Variants in MTR observed in about 807,000 individuals in gnomAD.
MTR encodes the protein 5-methyltetrahydrofolate-homocysteine methyltransferase.
A neutral mutation model predicts 154.8 loss-of-function variants in MTR; 84 were observed. The observed-to-expected ratio is 0.54, with a 90% CI of 0.45 to 0.65. The LOEUF (loss-of-function observed/expected upper bound fraction) is 0.65, where lower values mean the gene tolerates loss of function less well. Among genes scored for constraint, MTR ranks in the 30% least tolerant of loss-of-function variants. The pLI is 0.00. For missense variants in MTR, 1,275 were observed against 1,570.2 expected, an observed-to-expected ratio of 0.81 and a Z score of 3.18; for synonymous variants, 554 against 553.9, an observed-to-expected ratio of 1.00 and a Z score of 0.00.
In MTR at chr1:236,886,280, G is replaced by T. The variant is rs1572333109; in HGVS notation, c.2776-12G>T. The T allele has an allele frequency of 6.8e-6, 11 of 1,612,768 alleles. No homozygotes were observed. The highest frequency in any genetic ancestry group is 1.3e-5 in the African/African-American group (1 of 74,900). On this transcript the variant is annotated splice_polypyrimidine_tract_variant and intron_variant, in intron 26 of 32. Transcript: ENST00000366577. ...AAGAGTGTCTAACTAATTTTTCTTTGTTTTTTAACAGGAGAGGAGATACTT... is the reference window on the plus strand; with the variant it reads ...AAGAGTGTCTAACTAATTTTTCTTTTTTTTTTAACAGGAGAGGAGATACTT...
intron 5 of MTR, among the ~76,000 whole-genome samples, chr1:236,812,022 A>G (rs1268754816): frequency 6.6e-6 from 1 of 152,208 alleles, no homozygotes; most frequent in Non-Finnish European, 1.5e-5. Flanking sequence ...CTGGGGCTAC[A>G]GGCGTGTGCC....
chr1:236,888,356 C>G (rs1360301574), intron 27 of MTR, among the ~76,000 whole-genome samples: 2 of 152,186 alleles, frequency 1.3e-5, no homozygotes, highest in Non-Finnish European at 2.9e-5. Context: ...GCTCTACCTG[C>G]CCCAGAAAGC....
intron 1 of MTR, among the ~76,000 whole-genome samples, chr1:236,798,419 A>G (rs951001386): frequency 1.3e-5 from 2 of 152,162 alleles, no homozygotes; most frequent in South Asian, 2.1e-4. Flanking sequence ...ACTTATACCT[A>G]TGTTTATTCT....
intron 27 of MTR, among the ~76,000 whole-genome samples, chr1:236,888,131 A>C (rs1666120870): frequency 6.6e-6 from 1 of 152,204 alleles, no homozygotes; most frequent in African/African-American, 2.4e-5. Context: ...AATGAGAGAA[A>C]AATACTCTAG....
At chr1:236,842,821 C>T (rs1360510145) in intron 15 of MTR, among the ~76,000 whole-genome samples, 2 of 150,888 alleles carry the variant, frequency 1.3e-5, no homozygotes, top group African/African-American at 2.4e-5. Flanking sequence ...TGCAGTGGCT[C>T]ACACCTGTAA....
chr1:236,879,863 T>C (rs1665629228), intron 24 of MTR, among the ~76,000 whole-genome samples: 1 of 151,934 alleles, frequency 6.6e-6, no homozygotes, highest in Admixed American at 6.6e-5. Flanking sequence ...ATATTAAAAG[T>C]AAAATATTGG....
chr1:236,819,917 T>C, intron 8 of MTR: 3 of 976,592 alleles, frequency 3.1e-6, no homozygotes, highest in Non-Finnish European at 4.9e-6. Context: ...CTGCTGCCAC[T>C]GGAGCCACTC....
In MTR at chr1:236,900,219, G is replaced by A. The variant is rs1270154278; in HGVS notation, c.*2575G>A. On this transcript the variant is annotated 3_prime_UTR_variant, in exon 33 of 33. Transcript: ENST00000366577. ...TTAGATATATATATTCATTCTACGGGATATTATTCAGTAGTGGAAATGAGT... is the reference window on the plus strand; with the variant it reads ...TTAGATATATATATTCATTCTACGGAATATTATTCAGTAGTGGAAATGAGT... 8.6e-6 allele frequency: 3 copies of A among 348,986 alleles called. No individual in the cohort carries two copies. The highest frequency in any genetic ancestry group is 1.7e-5 in the Non-Finnish European group (3 of 173,490). The allele number at this position is 348,986 out of a possible 1,614,324, so 21.6% of individuals were successfully genotyped here.
Position 236,835,542 on chromosome 1 carries a change from T to G in MTR, c.1189-5T>G, listed in dbSNP as rs754460828. On this transcript the variant is annotated splice_region_variant and splice_polypyrimidine_tract_variant and intron_variant, in intron 13 of 32. Coordinates refer to ENST00000366577, the MANE Select transcript of MTR (RefSeq NM_000254.3). ...ATGCTGCTTCCTCTCTCATTCTTCCTTCAGGAAGCCTTGTGTGTTGCCAAA... is the reference window on the plus strand; with the variant it reads ...ATGCTGCTTCCTCTCTCATTCTTCCGTCAGGAAGCCTTGTGTGTTGCCAAA... 6.2e-7 allele frequency: 1 copy of G among 1,612,496 alleles called. No individual in the cohort carries two copies. Among genetic ancestry groups the G allele is most frequent in the Non-Finnish European group, 8.5e-7 (1 of 1,179,758 alleles).
rs181347661 is a variant in MTR, at chr1:236,834,300, C to G, written c.1189-1247C>G. Reference sequence around the variant, plus strand: ...GTTCAAGTGATTCTCCTGCCCCAGCCTCCAGAGAAGCTGGGACTACGGGCT... The same window carrying G: ...GTTCAAGTGATTCTCCTGCCCCAGCGTCCAGAGAAGCTGGGACTACGGGCT... On this transcript the variant is annotated intron_variant, in intron 13 of 32. Coordinates refer to ENST00000366577, the MANE Select transcript of MTR (RefSeq NM_000254.3). Among the ~76,000 whole-genome samples the G allele has an allele frequency of 2.4e-3, 373 of 152,318 alleles. 2 individuals carry two copies. Among genetic ancestry groups the G allele is most frequent in the African/African-American group, 8.0e-3 (331 of 41,570 alleles).
intron 9 of MTR, among the ~76,000 whole-genome samples, chr1:236,824,653 A>G (rs991063564): frequency 6.6e-6 from 1 of 152,228 alleles, no homozygotes; most frequent in African/African-American, 2.4e-5. Context: ...TTTTGAAGAT[A>G]TTTGTAGACA....
chr1:236,814,120 A>G (rs992954759), intron 6 of MTR, among the ~76,000 whole-genome samples: 3 of 152,210 alleles, frequency 2.0e-5, no homozygotes, highest in East Asian at 1.9e-4. Context: ...GCAAGCAGGA[A>G]GAACGTAGAG....
At position 236,889,371 on chromosome 1, in the gene MTR, T is replaced by C. The variant is rs772489467; in HGVS notation, c.3007+35T>C. On this transcript the variant is annotated intron_variant, in intron 28 of 32. Transcript: ENST00000366577. ...GTAAGTCCTTCCTTTCTGCCTCTGATATTCAAGCTGTGGGATTGTGACTTT... is the reference window on the plus strand; with the variant it reads ...GTAAGTCCTTCCTTTCTGCCTCTGACATTCAAGCTGTGGGATTGTGACTTT... 39 of 1,613,016 alleles carry C rather than the reference T, an allele frequency of 2.4e-5. No homozygotes were observed. The South Asian group carries it at 3.0e-4, about 12-fold the overall frequency.
intron 32 of MTR, among the ~76,000 whole-genome samples, 190 bp downstream of exon 32, chr1:236,897,308 A>ATGCGCGCGCGCGCG (rs57608445): frequency 2.1e-3 from 279 of 131,508 alleles, no homozygotes; most frequent in African/African-American, 7.9e-3. Context: ...AGCCACACAC[A>ATGCGCGCGCGCGCG]CGCACACACA....
intron 15 of MTR, among the ~76,000 whole-genome samples, chr1:236,847,000 A>C (rs993490196): frequency 8.6e-5 from 13 of 151,802 alleles, no homozygotes; most frequent in African/African-American, 2.7e-4. Context: ...AATTCTCCTG[A>C]CTCAGCCTCC....
intron 25 of MTR, among the ~76,000 whole-genome samples, chr1:236,884,634 C>G (rs144236490): frequency 6.6e-6 from 1 of 152,220 alleles, no homozygotes; most frequent in East Asian, 1.9e-4. Context: ...ATGTAAGGAG[C>G]CTTGCCAACC....
intron 24 of MTR, among the ~76,000 whole-genome samples, chr1:236,880,162 A>AT (rs957869616): frequency 6.6e-6 from 1 of 152,198 alleles, no homozygotes; most frequent in Non-Finnish European, 1.5e-5. Context: ...TCTCAAAAAA[A>AT]TAAAATGAAA....
At chr1:236,889,958 A>G (rs1666225198) in intron 28 of MTR, among the ~76,000 whole-genome samples, 1 of 152,046 alleles carries the variant, frequency 6.6e-6, no homozygotes, top group Non-Finnish European at 1.5e-5. Flanking sequence ...GAGGTGTTAA[A>G]TTACTACCCC....
chr1:236,897,089 T>G lies in MTR; in HGVS notation c.3682T>G (p.Phe1228Val). 1.9e-6 allele frequency: 3 copies of G among 1,613,986 alleles called. No individual in the cohort carries two copies. Among genetic ancestry groups the G allele is most frequent in the Non-Finnish European group, 2.5e-6 (3 of 1,179,876 alleles). The change falls in exon 32 of 33, where the codon TTT becomes GTT. Residue 1228 changes from phenylalanine (F) to valine (V), a missense_variant. Transcript: ENST00000366577. ...CTTCTCCAATTTGAAGTCCAAATAT[T>G]TTGCTGTGGGGAAGATTTCCAAGGA... is the stretch of plus-strand genomic sequence containing the variant. ...LYFSNLKSKY[F>V]AVGKISKDQV...
Sources: allele counts gnomAD v4.1 joint callset (sites outside exome capture counted in the v4.1 genomes callset), GRCh38; gene constraint gnomAD v4.1.1; transcripts MANE v1.5; gene names NCBI Gene and HGNC (gene_info 2026-07-23, HGNC 2026-07-21).